Variants in PTPRR observed in about 807,000 individuals in gnomAD.
PTPRR encodes the protein protein tyrosine phosphatase receptor type R.
A neutral mutation model predicts 77.2 loss-of-function variants in PTPRR; 38 were observed. The ratio of observed to expected loss-of-function variants is 0.49; its 90% confidence interval spans 0.38 to 0.65. The LOEUF (loss-of-function observed/expected upper bound fraction) is 0.65, where lower values mean the gene tolerates loss of function less well. PTPRR is among the 30% of genes least tolerant of loss of function. The pLI is 0.00. For missense variants in PTPRR, 744 were observed against 799.2 expected (o/e 0.93, Z 0.83); for synonymous variants, 299 against 283.1 (o/e 1.06, Z -0.57).
intron 2 of PTPRR, among the ~76,000 whole-genome samples, chr12:70,870,715 T>C (rs889315684): frequency 2.0e-5 from 3 of 152,242 alleles, no homozygotes; most frequent in Non-Finnish European, 4.4e-5. Context: ...GTACACTGTG[T>C]TGCTGATGCT....
Position 70,754,278 on chromosome 12 carries a change from A to G in PTPRR, c.651T>C (p.His217=). The G allele has an allele frequency of 6.2e-7, 1 of 1,613,702 alleles. No individual in the cohort carries two copies. Among genetic ancestry groups the G allele is most frequent in the Admixed American group, 1.7e-5 (1 of 59,882 alleles). The part of the protein sequence containing the change: ...SPEKNVLQGQ[H]EADKIWSKEG... ...CTTTGCTCCAGATTTTGTCCGCTTC[A>G]TGCTGCCCTTGTAAAACATTTTTCT... The change falls in exon 5 of 14, where the codon CAT becomes CAC. Residue 217 remains histidine, a synonymous_variant. Transcript: ENST00000283228.
chr12:70,884,871 C>CAAAAAAAAAAAAAAAAAA (rs529547383), intron 2 of PTPRR, among the ~76,000 whole-genome samples: 12 of 53,936 alleles, frequency 2.2e-4, no homozygotes, highest in African/African-American at 7.5e-4. Flanking sequence ...AACTCTGTCT[C>CAAAAAAAAAAAAAAAAAA]AAAAAAAAAA....
intron 6 of PTPRR, among the ~76,000 whole-genome samples, chr12:70,743,467 T>C (rs2136920936): frequency 6.6e-6 from 1 of 152,278 alleles, no homozygotes; most frequent in East Asian, 1.9e-4. Context: ...GGAGTTTCTT[T>C]AATACAAGAA....
Position 70,639,068 on chromosome 12 carries a change from C to G in PTPRR, c.*116G>C, listed in dbSNP as rs1025405668. On this transcript the variant is annotated 3_prime_UTR_variant, in exon 14 of 14. Transcript: ENST00000283228. ...CCAGTCTTCCACAATCCATGCCATACATGGGCTTCAGAGCTTCTCCTTCCT... is the reference window on the plus strand; with the variant it reads ...CCAGTCTTCCACAATCCATGCCATAGATGGGCTTCAGAGCTTCTCCTTCCT... 4 of 823,860 alleles carry G rather than the reference C, an allele frequency of 4.9e-6. No individual in the cohort carries two copies. The highest frequency in any genetic ancestry group is 7.9e-6 in the Non-Finnish European group (4 of 508,574). 51.0% of individuals were successfully genotyped at this position (823,860 alleles called of 1,614,324 possible).
intron 2 of PTPRR, among the ~76,000 whole-genome samples, chr12:70,784,637 C>G (rs540214597): frequency 6.6e-6 from 1 of 152,184 alleles, no homozygotes; most frequent in Non-Finnish European, 1.5e-5. Flanking sequence ...AGATGGCCGC[C>G]GCTGCCATCA....
chr12:70,688,662 T>C (rs982768707), intron 8 of PTPRR, among the ~76,000 whole-genome samples: 7 of 152,196 alleles, frequency 4.6e-5, no homozygotes, highest in Non-Finnish European at 1.0e-4. Context: ...TGAACTACCA[T>C]ATGATCCAGC....
At chr12:70,725,611 C>A (rs1889405114) in intron 6 of PTPRR, among the ~76,000 whole-genome samples, 1 of 151,980 alleles carries the variant, frequency 6.6e-6, no homozygotes, top group Non-Finnish European at 1.5e-5. Flanking sequence ...GGAAAAAGTA[C>A]CGAGAGCCAA....
At chr12:70,858,960 T>TC (rs974340649) in intron 2 of PTPRR, among the ~76,000 whole-genome samples, 2 of 151,816 alleles carry the variant, frequency 1.3e-5, no homozygotes. Flanking sequence ...CGCCCTTTTT[T>TC]TTTTTTTACA....
At chr12:70,648,466 A>G (rs1202094511) in intron 13 of PTPRR, among the ~76,000 whole-genome samples, 1 of 152,206 alleles carries the variant, frequency 6.6e-6, no homozygotes, top group Non-Finnish European at 1.5e-5. Context: ...TGAGTCACAC[A>G]ATGAATATTA....
chr12:70,673,613 A>G (rs1887329054), intron 10 of PTPRR, among the ~76,000 whole-genome samples: 1 of 152,228 alleles, frequency 6.6e-6, no homozygotes, highest in Non-Finnish European at 1.5e-5. Flanking sequence ...TGTTGATTTT[A>G]TAAGATTTTA....
intron 2 of PTPRR, among the ~76,000 whole-genome samples, chr12:70,825,299 T>TA (rs1445779332): frequency 1.3e-5 from 2 of 151,490 alleles, no homozygotes; most frequent in Non-Finnish European, 2.9e-5. Flanking sequence ...AAATAAAAAA[T>TA]AAAAAAATAA....
chr12:70,802,537 T>A (rs1377158366), intron 2 of PTPRR, among the ~76,000 whole-genome samples: 1 of 152,238 alleles, frequency 6.6e-6, no homozygotes, highest in Admixed American at 6.5e-5. Flanking sequence ...TTTGCAAACA[T>A]CTGTTAGATA....
intron 2 of PTPRR, among the ~76,000 whole-genome samples, chr12:70,831,947 G>A (rs931831947): frequency 2.6e-5 from 4 of 152,134 alleles, no homozygotes; most frequent in African/African-American, 9.7e-5. Flanking sequence ...AACAGGTCTA[G>A]TTTTAATGTT....
intron 2 of PTPRR, among the ~76,000 whole-genome samples, chr12:70,766,552 C>A (rs186923091): frequency 3.3e-5 from 5 of 151,848 alleles, no homozygotes; most frequent in African/African-American, 4.8e-5. Flanking sequence ...TGTACTTGAA[C>A]GTGACGGGGA....
chr12:70,868,789 A>G (rs192264422), intron 2 of PTPRR, among the ~76,000 whole-genome samples: 1 of 152,160 alleles, frequency 6.6e-6, no homozygotes, highest in Admixed American at 6.5e-5. Flanking sequence ...AACCAACCCA[A>G]ATGTCCAACG....
intron 2 of PTPRR, among the ~76,000 whole-genome samples, chr12:70,874,646 A>T (rs1337547160): frequency 6.6e-6 from 1 of 152,160 alleles, no homozygotes; most frequent in Non-Finnish European, 1.5e-5. Context: ...AACCTCGGCC[A>T]GGCACGGTGG....
At chr12:70,745,753 T>A in intron 6 of PTPRR, 65 bp downstream of exon 6, 1 of 1,524,138 alleles carries the variant, frequency 6.6e-7, no homozygotes, top group East Asian at 2.3e-5. Flanking sequence ...AGTTCTTTCT[T>A]TTTTAGTTGA....
At position 70,698,478 on chromosome 12, in the gene PTPRR, T is replaced by A. The variant is rs78554851; in HGVS notation, c.1195-129A>T. On this transcript the variant is annotated intron_variant, in intron 7 of 13. Coordinates refer to ENST00000283228, the MANE Select transcript of PTPRR (RefSeq NM_002849.4). The stretch of plus-strand genomic sequence containing the variant: ...TTAAAAACAACAGATCTAGCACCTC[T>A]GGTGGACCAACACCCTTCCTTTCCT... 4,295 of 670,822 alleles carry A rather than the reference T, an allele frequency of 6.4e-3. 123 individuals carry two copies. The African/African-American group carries it at 0.067, about 10-fold the overall frequency. 41.6% of individuals were successfully genotyped at this position (670,822 alleles called of 1,614,324 possible). A position where few individuals can be genotyped will look rare whatever the true frequency, so the allele number is the denominator to read the frequency against.
intron 2 of PTPRR, among the ~76,000 whole-genome samples, chr12:70,834,020 G>A (rs1473115519): frequency 2.0e-5 from 3 of 152,080 alleles, no homozygotes; most frequent in African/African-American, 4.8e-5. Flanking sequence ...TAGGGAACAG[G>A]AACTTTGCGT....
Sources: allele counts gnomAD v4.1 joint callset (sites outside exome capture counted in the v4.1 genomes callset), GRCh38; gene constraint gnomAD v4.1.1; transcripts MANE v1.5; gene names NCBI Gene and HGNC (gene_info 2026-07-23, HGNC 2026-07-21).